MAST4: variants seen among roughly 807,000 people sequenced by gnomAD.
MAST4 encodes the protein microtubule associated serine/threonine kinase family member 4.
Under a neutral mutation model 162.7 loss-of-function variants are expected in MAST4, and 89 were observed. The ratio of observed to expected loss-of-function variants is 0.55; its 90% confidence interval spans 0.46 to 0.65. The LOEUF (loss-of-function observed/expected upper bound fraction) is 0.65, where lower values mean the gene tolerates loss of function less well. MAST4 is among the 30% of genes least tolerant of loss of function. The pLI, the probability that MAST4 is intolerant of heterozygous loss-of-function variation, is 0.00. For missense variants in MAST4, 3,153 were observed against 3,374.0 expected (o/e 0.93, Z 1.62); for synonymous variants, 1,479 against 1,361.1 (o/e 1.09, Z -1.91).
chr5:66,937,290 A>C (rs1402553108), intron 4 of MAST4, among the ~76,000 whole-genome samples: 1 of 152,192 alleles, frequency 6.6e-6, no homozygotes, highest in Non-Finnish European at 1.5e-5. Context: ...CTCTCACCAG[A>C]AGGACTAAAG....
chr5:67,152,901 A>G lies in MAST4; in HGVS notation c.3525+35A>G, dbSNP rs781562407. 2.3e-5 allele frequency: 36 copies of G among 1,558,724 alleles called. No individual in the cohort carries two copies. In the East Asian group the frequency reaches 8.2e-4, roughly 35 times the overall value. On this transcript the variant is annotated intron_variant, in intron 25 of 28. Transcript: ENST00000403625. ...GCATGTCTCGCACTTGGGATTTTTC[A>G]TTTCCAGCCAAGCTGGAGAGTGGAT...
intron 5 of MAST4, among the ~76,000 whole-genome samples, chr5:67,075,161 G>GTTT (rs35184662): frequency 0.012 from 1,528 of 128,126 alleles, 36 homozygotes; most frequent in African/African-American, 0.031. Context: ...ATTGGAATGA[G>GTTT]TTTTTTTTTT....
intron 3 of MAST4, among the ~76,000 whole-genome samples, chr5:66,861,996 C>T (rs1760155360): frequency 6.6e-6 from 1 of 152,174 alleles, no homozygotes; most frequent in South Asian, 2.1e-4. Flanking sequence ...CAGATAAATG[C>T]TATCCTACCC....
intron 19 of MAST4, among the ~76,000 whole-genome samples, chr5:67,141,172 TG>T (rs1770363793): frequency 6.6e-6 from 1 of 152,178 alleles, no homozygotes; most frequent in Admixed American, 6.5e-5. Context: ...ATGAGAGGCC[TG>T]GGTGACAACT....
At chr5:66,801,492 C>T (rs1002162930) in intron 3 of MAST4, among the ~76,000 whole-genome samples, 2 of 152,284 alleles carry the variant, frequency 1.3e-5, no homozygotes, top group African/African-American at 4.8e-5. Context: ...AACTGATGTT[C>T]TAACATTTGT....
intron 1 of MAST4, among the ~76,000 whole-genome samples, chr5:66,709,850 A>AG (rs1459359484): frequency 6.6e-6 from 1 of 152,168 alleles, no homozygotes; most frequent in African/African-American, 2.4e-5. Context: ...TGTGGATATT[A>AG]GGGAGATTTT....
chr5:67,144,665 C>A lies in MAST4; in HGVS notation c.2731-4C>A. 1 of 1,612,776 alleles carries A rather than the reference C, an allele frequency of 6.2e-7. No homozygotes were observed. The highest frequency in any genetic ancestry group is 8.5e-7 in the Non-Finnish European group (1 of 1,179,504). ...TTAATAAGCACCAATTATTTGCCTT[C>A]CAGGTTTTCAGCAGTATAGATCGAA... On this transcript the variant is annotated splice_region_variant and splice_polypyrimidine_tract_variant and intron_variant, in intron 21 of 28. Coordinates refer to ENST00000403625, the MANE Select transcript of MAST4 (RefSeq NM_001164664.2).
At chr5:66,778,321 C>A (rs1029220992) in intron 2 of MAST4, among the ~76,000 whole-genome samples, 3 of 152,108 alleles carry the variant, frequency 2.0e-5, no homozygotes, top group African/African-American at 7.2e-5. Context: ...CGGACAACTG[C>A]CTTGGTGGTC....
intron 18 of MAST4, among the ~76,000 whole-genome samples, chr5:67,135,300 C>T (rs1040551774): frequency 6.6e-6 from 1 of 152,000 alleles, no homozygotes; most frequent in Non-Finnish European, 1.5e-5. Context: ...GCAAGCTGAC[C>T]CTAACTATTG....
At chr5:66,824,796 A>G (rs1183652652) in intron 3 of MAST4, among the ~76,000 whole-genome samples, 3 of 152,356 alleles carry the variant, frequency 2.0e-5, no homozygotes, top group Non-Finnish European at 4.4e-5. Context: ...ATTGTACTGA[A>G]TACGTAGTCA....
intron 1 of MAST4, among the ~76,000 whole-genome samples, chr5:66,746,700 G>A (rs1378276110): frequency 6.6e-6 from 1 of 152,100 alleles, no homozygotes; most frequent in African/African-American, 2.4e-5. Context: ...GGACTTGATG[G>A]TATCAGGGCA....
chr5:66,753,237 G>A (rs1018570899), intron 1 of MAST4, among the ~76,000 whole-genome samples: 18 of 152,084 alleles, frequency 1.2e-4, no homozygotes, highest in African/African-American at 2.9e-4. Flanking sequence ...TCACAATTAA[G>A]AGAACTAGAA....
intron 4 of MAST4, chr5:66,930,899 C>T: frequency 2.5e-6 from 1 of 405,016 alleles, no homozygotes; most frequent in Non-Finnish European, 5.1e-6. Flanking sequence ...ATACTTGGTC[C>T]TGTGGAGGGT....
chr5:67,069,722 C>T (rs952415924), intron 5 of MAST4, among the ~76,000 whole-genome samples: 1 of 152,118 alleles, frequency 6.6e-6, no homozygotes, highest in African/African-American at 2.4e-5. Context: ...GGAGAAGCAA[C>T]ACATCCCAGT....
intron 4 of MAST4, among the ~76,000 whole-genome samples, chr5:67,009,090 C>T (rs761658622): frequency 1.2e-4 from 18 of 152,056 alleles, no homozygotes; most frequent in Non-Finnish European, 2.2e-4. Context: ...GCACTGTGAC[C>T]CAATTTTGAA....
intron 4 of MAST4, among the ~76,000 whole-genome samples, chr5:67,046,669 CT>C (rs1236475651): frequency 1.3e-5 from 2 of 152,172 alleles, no homozygotes; most frequent in Non-Finnish European, 2.9e-5. Context: ...CCAGATCTCA[CT>C]GTGGATTTAT....
intron 1 of MAST4, among the ~76,000 whole-genome samples, chr5:66,708,842 C>G (rs899190426): frequency 1.3e-5 from 2 of 151,994 alleles, no homozygotes; most frequent in African/African-American, 4.8e-5. Flanking sequence ...AGCAGTGTTT[C>G]TAAAAATATA....
At chr5:66,807,159 A>G (rs976495945) in intron 3 of MAST4, among the ~76,000 whole-genome samples, 2 of 152,210 alleles carry the variant, frequency 1.3e-5, no homozygotes, top group African/African-American at 4.8e-5. Flanking sequence ...TCAAGCATTT[A>G]TCCTTCATGT....
chr5:66,859,488 C>T (rs1759933423), intron 3 of MAST4, among the ~76,000 whole-genome samples: 1 of 152,134 alleles, frequency 6.6e-6, no homozygotes, highest in African/African-American at 2.4e-5. Flanking sequence ...CTTGCCTCCC[C>T]ATTACCTTAA....
Sources: allele counts gnomAD v4.1 joint callset (sites outside exome capture counted in the v4.1 genomes callset), GRCh38; gene constraint gnomAD v4.1.1; transcripts MANE v1.5; gene names NCBI Gene and HGNC (gene_info 2026-07-23, HGNC 2026-07-21).